Variants in ASMT observed in about 807,000 individuals in gnomAD.
ASMT encodes acetylserotonin N-methyltransferase.
Under a neutral mutation model 41.3 loss-of-function variants are expected in ASMT, and 53 were observed. That is an observed-to-expected ratio of 1.28 (90% CI 1.03 to 1.61). The LOEUF is 1.61. Ranked by LOEUF, ASMT falls within the 40% of genes most tolerant of loss-of-function variation. The pLI is 0.00. For synonymous variants in ASMT, 231 were observed against 184.8 expected (o/e 1.25, Z -2.03); for missense variants, 531 against 441.3 (o/e 1.20, Z -1.82).
chrX:1,622,939 A>G (rs1934387305), intron 1 of ASMT, among the ~76,000 whole-genome samples, 200 bp from the exon 2 acceptor site: 1 of 151,844 alleles, frequency 6.6e-6, no homozygotes, highest in African/African-American at 2.4e-5. Context: ...TAATTAATAA[A>G]AATAAATAAA....
chrX:1,616,629 G>C (rs1223894619), intron 1 of ASMT, among the ~76,000 whole-genome samples: 3 of 151,402 alleles, frequency 2.0e-5, no homozygotes, highest in African/African-American at 4.8e-5. Context: ...CAACGGTTTG[G>C]GGGTCCGAAA....
chrX:1,629,670 C>T (rs1232392847), intron 4 of ASMT, 151 bp from the exon 5 acceptor site: 27 of 811,336 alleles, frequency 3.3e-5, no homozygotes, highest in South Asian at 3.1e-4. Flanking sequence ...TCCCCCATCC[C>T]GAATGACTTC....
intron 8 of ASMT, among the ~76,000 whole-genome samples, chrX:1,636,969 G>GTT (rs1934999411): frequency 1.4e-5 from 1 of 73,106 alleles, no homozygotes; most frequent in Non-Finnish European, 2.8e-5. Flanking sequence ...CATCCTGATG[G>GTT]CACATGAGGA....
In ASMT at chrX:1,636,488, A is replaced by G. The variant is rs1934969327; in HGVS notation, c.838A>G (p.Arg280Gly). The change falls in exon 8 of 9, where the codon AGG (arginine) becomes GGG (glycine). Residue 280 changes from arginine (R) to glycine (G), a missense_variant. Transcript: ENST00000381241. ...LPEADLYILA[R>G]VLHDWADGKC... is the part of the protein sequence containing the mutation. ...GGAAGCTGATCTGTACATCCTGGCCAGGGTCCTCCATGACTGGGCAGACGG... is the reference window on the plus strand; with the variant it reads ...GGAAGCTGATCTGTACATCCTGGCCGGGGTCCTCCATGACTGGGCAGACGG... The G allele has an allele frequency of 6.2e-7, 1 of 1,613,784 alleles. No individual in the cohort carries two copies.
chrX:1,626,467 G>A (rs1221000030), intron 3 of ASMT, among the ~76,000 whole-genome samples: 1 of 151,952 alleles, frequency 6.6e-6, no homozygotes, highest in African/African-American at 2.4e-5. Context: ...CCTGAGCTCA[G>A]GCTATCTGCC....
chrX:1,632,922 G>A (rs1236035609), intron 6 of ASMT, 135 bp downstream of exon 6: 47 of 629,482 alleles, frequency 7.5e-5, no homozygotes, highest in African/African-American at 7.0e-4. Flanking sequence ...ATGACGAGTC[G>A]ATGGGTGCAG....
intron 3 of ASMT, 119 bp from the exon 4 acceptor site, chrX:1,627,584 G>GCACT (rs1934599417): frequency 9.5e-7 from 1 of 1,050,674 alleles, no homozygotes; most frequent in Non-Finnish European, 1.5e-6. Flanking sequence ...TCGTGCCATT[G>GCACT]CACTCCAGCC....
chrX:1,642,650 T>C (rs1416655373), intron 8 of ASMT, 153 bp from the exon 9 acceptor site: 1 of 178,872 alleles, frequency 5.6e-6, no homozygotes, highest in Admixed American at 6.6e-5. Context: ...ATCCTGATGA[T>C]CGATGAGGAC....
intron 4 of ASMT, 122 bp downstream of exon 4, chrX:1,627,893 A>C (rs773587119): frequency 1.1e-6 from 1 of 948,982 alleles, no homozygotes; most frequent in South Asian, 1.3e-5. Flanking sequence ...CATTTAATTT[A>C]AAATAACATC....
At chrX:1,626,752 G>T (rs186094191) in intron 3 of ASMT, among the ~76,000 whole-genome samples, 1 of 152,222 alleles carries the variant, frequency 6.6e-6, no homozygotes, top group Non-Finnish European at 1.5e-5. Context: ...AGCTGGCCAG[G>T]CGCGGTGGCT....
chrX:1,636,651 C>G lies in ASMT; in HGVS notation c.910+91C>G, dbSNP rs770696331. The G allele has an allele frequency of 1.8e-4, 296 of 1,600,842 alleles. 6 individuals are homozygous for G. The South Asian group carries it at 3.1e-3, about 17-fold the overall frequency. ...TTAGAAGGCAGGCACTGAAATCATC[C>G]CACAGGTAAGGGTAGACATCCTGCC... On this transcript the variant is annotated intron_variant, in intron 8 of 8. Transcript: ENST00000381241.
chrX:1,617,307 T>G (rs1182591491), intron 1 of ASMT, among the ~76,000 whole-genome samples: 13 of 151,224 alleles, frequency 8.6e-5, no homozygotes, highest in Non-Finnish European at 5.9e-5. Flanking sequence ...CCGTCTCTAC[T>G]AGAAGTATAA....
chrX:1,626,601 T>C (rs1294019354), intron 3 of ASMT, among the ~76,000 whole-genome samples: 1 of 152,102 alleles, frequency 6.6e-6, no homozygotes, highest in Non-Finnish European at 1.5e-5. Context: ...AGCCACGTAA[T>C]ATAGGGTTAA....
At chrX:1,618,876 C>T (rs1276882360) in intron 1 of ASMT, among the ~76,000 whole-genome samples, 4 of 152,156 alleles carry the variant, frequency 2.6e-5, no homozygotes, top group Non-Finnish European at 4.4e-5. Flanking sequence ...TGGTTCACAG[C>T]GGTGTTCAGG....
rs1445490186 is a variant in ASMT at position 1,627,757 on chromosome X, T to A, written c.429T>A (p.Phe143Leu). 5 of 1,613,952 alleles carry A rather than the reference T, an allele frequency of 3.1e-6. No individual in the cohort carries two copies. In the South Asian group the frequency reaches 3.3e-5, roughly 11 times the overall value. The change falls in exon 4 of 9, where the codon TTT (phenylalanine) becomes TTA (leucine). Residue 143 changes from phenylalanine (F) to leucine (L), a missense_variant. Coordinates refer to ENST00000381241, the MANE Select transcript of ASMT (RefSeq NM_001171038.2). ...ETFGVPAEEL[F>L]TAIYRSEGER... ...TTGGCGTTCCCGCTGAAGAGCTTTT[T>A]ACGGCCATCTACAGGTAACACCCAT...
In ASMT at chrX:1,641,741, G is replaced by A. The variant is rs1390133317; in HGVS notation, c.911-1062G>A. Among the ~76,000 whole-genome samples, 25 of 147,992 alleles carry A rather than the reference G, an allele frequency of 1.7e-4. 1 individual carries two copies. The highest frequency in any genetic ancestry group is 2.7e-4 in the Non-Finnish European group (18 of 66,872). On this transcript the variant is annotated intron_variant, in intron 8 of 8. Transcript: ENST00000381241. Reference sequence around the variant, plus strand: ...CCTGTGAGGTCCACCCATCCTGGTGGTCCATGAGTACATGGACACAGCCTC... The same window carrying A: ...CCTGTGAGGTCCACCCATCCTGGTGATCCATGAGTACATGGACACAGCCTC...
chrX:1,616,239 G>C (rs1185434175), intron 1 of ASMT, among the ~76,000 whole-genome samples: 4 of 151,310 alleles, frequency 2.6e-5, no homozygotes, highest in African/African-American at 7.3e-5. Context: ...ATGTTGGCCA[G>C]GCTGGTCTCG....
intron 1 of ASMT, 75 bp downstream of exon 1, chrX:1,615,343 G>A (rs1289959504): frequency 1.2e-5 from 17 of 1,369,040 alleles, no homozygotes; most frequent in Admixed American, 7.9e-5. Context: ...TGTGTCAGTC[G>A]AGAAAAATGA....
At chrX:1,642,182 CTG>C (rs1935208638) in intron 8 of ASMT, among the ~76,000 whole-genome samples, 1 of 132,718 alleles carries the variant, frequency 7.5e-6, no homozygotes, top group East Asian at 2.4e-4. Flanking sequence ...CACAGCCTCT[CTG>C]TGTGTGATAA....
Sources: allele counts gnomAD v4.1 joint callset (sites outside exome capture counted in the v4.1 genomes callset), GRCh38; gene constraint gnomAD v4.1.1; transcripts MANE v1.5; gene names NCBI Gene and HGNC (gene_info 2026-07-23, HGNC 2026-07-21).